Variants in SAMD9L observed in about 807,000 individuals in gnomAD.
SAMD9L encodes sterile alpha motif domain-containing protein 9-like.
Under a neutral mutation model 90.7 loss-of-function variants are expected in SAMD9L, and 68 were observed. That is an observed-to-expected ratio of 0.75 (90% confidence interval 0.62 to 0.92). The LOEUF is 0.92. SAMD9L is among the 40% of genes least tolerant of loss of function. SAMD9L has a pLI of 0.00. For missense variants in SAMD9L, 1,604 were observed against 1,824.3 expected (o/e 0.88, Z 2.20); for synonymous variants, 640 against 630.1 (o/e 1.02, Z -0.23).
chr7:93,144,381 T>G (rs1256156512), intron 4 of SAMD9L, among the ~76,000 whole-genome samples: 2 of 152,240 alleles, frequency 1.3e-5, no homozygotes, highest in African/African-American at 2.4e-5. Flanking sequence ...TTGTTTTTAT[T>G]GTCACTATTC....
chr7:93,133,109 A>G lies in SAMD9L; in HGVS notation c.2863T>C (p.Trp955Arg). Residue 955 changes from tryptophan to arginine, a missense_variant, in exon 5 of 5, where the codon TGG becomes CGG. Trp to Arg is a moderately radical substitution (Grantham distance 101). Transcript: ENST00000318238. ...TTGTCTTCTAAGCTTTCAGGTTCCC[A>G]GGGTGTACTAGTGTATATGATTCCC... is the stretch of plus-strand genomic sequence containing the variant. ...FLGIIYTSTP[W>R]EPESLEDKMG... is the part of the protein sequence containing the mutation. 1 of 1,612,606 alleles carries G rather than the reference A, an allele frequency of 6.2e-7. No individual in the cohort carries two copies.
Position 93,135,869 on chromosome 7 carries a change from G to T in SAMD9L, c.103C>A (p.Gln35Lys), listed in dbSNP as rs765928519. ...GTTACTTCTTCACTGAGCAGAATTT[G>T]CCCGTATTGCTCATTAATCTTAAGG... ...EDLKINEQYG[Q>K]ILLSEEVTGL... The change falls in exon 5 of 5, where the codon CAA becomes AAA. Residue 35 changes from glutamine to lysine, a missense_variant. Coordinates refer to ENST00000318238, the MANE Select transcript of SAMD9L (RefSeq NM_152703.5). The T allele has an allele frequency of 5.0e-6, 8 of 1,613,884 alleles. No individual in the cohort carries two copies. The highest frequency in any genetic ancestry group is 3.3e-4 in the Middle Eastern group (2 of 6,058).
In SAMD9L at chr7:93,135,884, T is replaced by G. The variant is rs1251518146; in HGVS notation, c.88A>C (p.Asn30His). The change falls in exon 5 of 5, where the codon AAT becomes CAT. Residue 30 changes from asparagine to histidine, a missense_variant. By Grantham distance (68) the Asn-to-His change is moderately conservative. This residue lies in a region of SAMD9L where 24 missense variants were observed against 41.8 expected (regional missense o/e 0.57). Coordinates refer to ENST00000318238, the MANE Select transcript of SAMD9L (RefSeq NM_152703.5). ...AGCAGAATTTGCCCGTATTGCTCATTAATCTTAAGGTCTTCATTTACCCAT... is the reference window on the plus strand; with the variant it reads ...AGCAGAATTTGCCCGTATTGCTCATGAATCTTAAGGTCTTCATTTACCCAT... ...KKWVNEDLKI[N>H]EQYGQILLSE... 1 of 1,613,976 alleles carries G rather than the reference T, an allele frequency of 6.2e-7. No homozygotes were observed. Among genetic ancestry groups the G allele is most frequent in the Non-Finnish European group, 8.5e-7 (1 of 1,179,926 alleles).
chr7:93,132,635 C>G lies in SAMD9L; in HGVS notation c.3337G>C (p.Ala1113Pro), dbSNP rs1358942001. ...TCTGAAATATAGGAATTTTTAGGTG[C>G]TTTCATTTTGGCCTGACGTGCCCAG... ...LDWARQAKMK[A>P]PKNSYISDTL... Residue 1113 changes from alanine (A) to proline (P), a missense_variant, in exon 5 of 5, where the codon GCA (alanine) becomes CCA (proline). Ala to Pro is a conservative substitution (Grantham distance 27). Transcript: ENST00000318238. 6.2e-7 allele frequency: 1 copy of G among 1,613,590 alleles called. No homozygotes were observed. The highest frequency in any genetic ancestry group is 8.5e-7 in the Non-Finnish European group (1 of 1,179,750).
chr7:93,142,964 A>G (rs1248757254), intron 4 of SAMD9L, among the ~76,000 whole-genome samples: 2 of 152,230 alleles, frequency 1.3e-5, no homozygotes, highest in Non-Finnish European at 2.9e-5. Context: ...CCAGCGCTCT[A>G]CAAGAAGCAG....
chr7:93,132,775 T>G lies in SAMD9L; in HGVS notation c.3197A>C (p.Asp1066Ala). 1 of 1,613,732 alleles carries G rather than the reference T, an allele frequency of 6.2e-7. No homozygotes were observed. The highest frequency in any genetic ancestry group is 1.3e-5 in the African/African-American group (1 of 74,996). Residue 1066 changes from aspartate (D) to alanine (A), a missense_variant, in exon 5 of 5, where the codon GAC becomes GCC. Coordinates refer to ENST00000318238, the MANE Select transcript of SAMD9L (RefSeq NM_152703.5). ...SPLMEALQNK[D>A]IEKVLSAGSR... ...TCCTGCACTCAAGACCTTTTCAATG[T>G]CTTTATTCTGTAAAGCTTCCATTAA...
Position 93,131,941 on chromosome 7 carries a change from A to G in SAMD9L, c.4031T>C (p.Leu1344Ser). The change falls in exon 5 of 5, where the codon TTG becomes TCG. Residue 1344 changes from leucine to serine, a missense_variant. Leu to Ser is a moderately radical substitution (Grantham distance 145). Around this residue, in one of 7 missense-constraint regions of SAMD9L, gnomAD observed 282 missense variants for 329.6 expected, o/e 0.86. Transcript: ENST00000318238. ...TTTGTAGTTTGGATTAAGATATTCCAAGAGTCCAGCAAACCTATCTGCTCT... is the reference window on the plus strand; with the variant it reads ...TTTGTAGTTTGGATTAAGATATTCCGAGAGTCCAGCAAACCTATCTGCTCT... The part of the protein sequence containing the change: ...ALRADRFAGL[L>S]EYLNPNYKDA... The G allele has an allele frequency of 1.2e-6, 2 of 1,613,120 alleles. No homozygotes were observed. The highest frequency in any genetic ancestry group is 1.7e-6 in the Non-Finnish European group (2 of 1,179,754).
rs900211001 is a variant in SAMD9L at position 93,133,036 on chromosome 7, T to G, written c.2936A>C (p.Tyr979Ser). The G allele has an allele frequency of 1.2e-6, 2 of 1,613,562 alleles. No individual in the cohort carries two copies. Among genetic ancestry groups the G allele is most frequent in the Non-Finnish European group, 1.7e-6 (2 of 1,179,750 alleles). Residue 979 changes from tyrosine to serine, a missense_variant, in exon 5 of 5, where the codon TAT becomes TCT. Coordinates refer to ENST00000318238, the MANE Select transcript of SAMD9L (RefSeq NM_152703.5). ...GATACGCACACCTGTGTATCTCCCA[T>G]ATTCTGCAACTTCTGTTTTTATTAG... is the stretch of plus-strand genomic sequence containing the variant. ...TLLIKTEVAE[Y>S]GRYTGVRIIH... is the part of the protein sequence containing the mutation.
rs1792390719 is a variant in SAMD9L, at chr7:93,135,406, G to T, written c.566C>A (p.Ala189Glu). ...ATGTATTGGATCAATGAGATTGAGT[G>T]CTCCTGTTTCAGGTTGTAGAGTATA... The part of the protein sequence containing the change: ...EHYTLQPETG[A>E]LNLIDPIHEF... Residue 189 changes from alanine (A) to glutamate (E), a missense_variant, in exon 5 of 5, where the codon GCA (alanine) becomes GAA (glutamate). Physicochemically the swap from Ala to Glu is moderately radical, Grantham distance 107. Around this residue, in one of 7 missense-constraint regions of SAMD9L, gnomAD observed 374 missense variants for 363.6 expected, o/e 1.03. Transcript: ENST00000318238. 1 of 1,614,082 alleles carries T rather than the reference G, an allele frequency of 6.2e-7. No individual in the cohort carries two copies. The highest frequency in any genetic ancestry group is 8.5e-7 in the Non-Finnish European group (1 of 1,179,942).
rs544259572 is a variant in SAMD9L at position 93,142,114 on chromosome 7, T to A, written c.-21+2618A>T. ...CACCCTCACCTTTTTAGCTCTTTAC[T>A]CAAATTCAATAAGGCCTTTCTTGCT... On this transcript the variant is annotated intron_variant, in intron 4 of 4. Coordinates refer to ENST00000318238, the MANE Select transcript of SAMD9L (RefSeq NM_152703.5). Among the ~76,000 whole-genome samples the A allele has an allele frequency of 3.3e-5, 5 of 152,316 alleles. No homozygotes were observed. In the East Asian group the frequency reaches 9.6e-4, roughly 29 times the overall value.
rs777844074 is a variant in SAMD9L at position 93,135,134 on chromosome 7, C to A, written c.838G>T (p.Ala280Ser). Residue 280 changes from alanine to serine, a missense_variant, in exon 5 of 5, where the codon GCC becomes TCC. By Grantham distance (99) the Ala-to-Ser change is moderately conservative. This residue lies in a region of SAMD9L where 374 missense variants were observed against 363.6 expected (regional missense o/e 1.03). Coordinates refer to ENST00000318238, the MANE Select transcript of SAMD9L (RefSeq NM_152703.5). ...CTTGGCTCCCGAATACACTTCTTGG[C>A]TTCATTGATCTCACTTTCTTCAAAA... ...KYFEESEINE[A>S]KKCIREPRFV... is the part of the protein sequence containing the mutation. 31 of 1,612,722 alleles carry A rather than the reference C, an allele frequency of 1.9e-5. No homozygotes were observed. The South Asian group carries it at 2.4e-4, about 13-fold the overall frequency.
Position 93,131,432 on chromosome 7 carries a change from T to C in SAMD9L, c.4540A>G (p.Lys1514Glu), listed in dbSNP as rs773710761. 25 of 1,613,674 alleles carry C rather than the reference T, an allele frequency of 1.5e-5. No homozygotes were observed. Among genetic ancestry groups the C allele is most frequent in the Admixed American group, 3.3e-5 (2 of 59,890 alleles). ...AGGAGGTCTTTGACTTCATTTTTTT[T>C]CCACACATCCCCACTGTGCCAGAGG... ...NSLWHSGDVW[K>E]KNEVKDLLRR... The change falls in exon 5 of 5, where the codon AAA becomes GAA. Residue 1514 changes from lysine to glutamate, a missense_variant. By Grantham distance (56) the Lys-to-Glu change is moderately conservative. Transcript: ENST00000318238.
At position 93,134,358 on chromosome 7, in the gene SAMD9L, C is replaced by T; in HGVS notation, c.1614G>A (p.Met538Ile). 1 of 1,611,554 alleles carries T rather than the reference C, an allele frequency of 6.2e-7. No individual in the cohort carries two copies. Among genetic ancestry groups the T allele is most frequent in the Non-Finnish European group, 8.5e-7 (1 of 1,179,368 alleles). The part of the protein sequence containing the change: ...LILFLTDENI[M>I]TRGKFLVVFL... ...ACACTACCAAAAATTTTCCTCTTGT[C>T]ATTATATTTTCATCTGTGAGAAATA... Residue 538 changes from methionine to isoleucine, a missense_variant, in exon 5 of 5, where the codon ATG becomes ATA. This residue lies in a region of SAMD9L where 606 missense variants were observed against 717.6 expected (regional missense o/e 0.84). Transcript: ENST00000318238.
intron 3 of SAMD9L, among the ~76,000 whole-genome samples, chr7:93,145,137 C>A (rs1792840986): frequency 6.6e-6 from 1 of 152,128 alleles, no homozygotes; most frequent in Non-Finnish European, 1.5e-5. Flanking sequence ...ATATGCTGCA[C>A]CGTCACCATG....
At chr7:93,146,167 A>G in intron 2 of SAMD9L, 127 bp from the exon 3 acceptor site, 1 of 152,104 alleles carries the variant, frequency 6.6e-6, no homozygotes, top group East Asian at 1.9e-4. Flanking sequence ...TTTTCCCTCT[A>G]AATCTGGCCC....
Position 93,130,109 on chromosome 7 carries a change from A to G in SAMD9L, c.*1108T>C, listed in dbSNP as rs1015113593. On this transcript the variant is annotated 3_prime_UTR_variant, in exon 5 of 5. Coordinates refer to ENST00000318238, the MANE Select transcript of SAMD9L (RefSeq NM_152703.5). ...TATTCAATTTAATCTATATTAGCCT[A>G]TGTTTCACTTTATAGGCAATGCGTA... The G allele has an allele frequency of 6.6e-6, 1 of 152,216 alleles. No homozygotes were observed. Among genetic ancestry groups the G allele is most frequent in the African/African-American group, 2.4e-5 (1 of 41,458 alleles). The allele number at this position is 152,216 out of a possible 1,614,324, so 9.4% of individuals were successfully genotyped here. A position where few individuals can be genotyped will look rare whatever the true frequency, so the allele number is the denominator to read the frequency against.
In SAMD9L at chr7:93,132,926, A is replaced by G. The variant is rs762849793; in HGVS notation, c.3046T>C (p.Leu1016=). 1 of 1,613,496 alleles carries G rather than the reference A, an allele frequency of 6.2e-7. No individual in the cohort carries two copies. Among genetic ancestry groups the G allele is most frequent in the Non-Finnish European group, 8.5e-7 (1 of 1,179,700 alleles). The change falls in exon 5 of 5, where the codon TTA becomes CTA. Residue 1016 remains leucine (L), a synonymous_variant. Transcript: ENST00000318238. Reference sequence around the variant, plus strand: ...GAATCATAGAATAAATTCTCTTCTAATATATTCAATGCAATTTGACATTTA... The same window carrying G: ...GAATCATAGAATAAATTCTCTTCTAGTATATTCAATGCAATTTGACATTTA... The part of the protein sequence containing the change: ...LDKCQIALNI[L]EENLFYDSGI...
At chr7:93,146,722 C>A (rs1217419555) in intron 2 of SAMD9L, among the ~76,000 whole-genome samples, 161 bp downstream of exon 2, 2 of 152,210 alleles carry the variant, frequency 1.3e-5, no homozygotes, top group Non-Finnish European at 2.9e-5. Flanking sequence ...CTGGGGAAAT[C>A]TCTTTACTGT....
In SAMD9L at chr7:93,135,304, C is replaced by A; in HGVS notation, c.668G>T (p.Arg223Leu). ...TGAATTCATACAAGCTGATGCAAAT[C>A]GGAAGACTTCATTGCTGAATTTCAT... ...IKMKFSNEVF[R>L]FASACMNSRT... The change falls in exon 5 of 5, where the codon CGA becomes CTA. Residue 223 changes from arginine to leucine, a missense_variant. Arg to Leu is a moderately radical substitution (Grantham distance 102). Transcript: ENST00000318238. The A allele has an allele frequency of 1.2e-6, 2 of 1,614,106 alleles. No individual in the cohort carries two copies. Among genetic ancestry groups the A allele is most frequent in the South Asian group, 1.1e-5 (1 of 91,082 alleles).
Sources: gnomAD v4.1 joint callset for allele counts (sites outside exome capture counted in the v4.1 genomes callset) on GRCh38, gnomAD v4.1.1 for gene constraint, gnomAD v4.1.1 regional missense constraint, MANE v1.5 for transcripts, NCBI Gene and HGNC (gene_info 2026-07-23, HGNC 2026-07-21) for gene names.